Variants in SMYD3 observed in about 807,000 individuals in gnomAD.
The protein encoded by SMYD3 is histone-lysine N-methyltransferase SMYD3.
Under a neutral mutation model 57.7 loss-of-function variants are expected in SMYD3, and 36 were observed. The ratio of observed to expected loss-of-function variants is 0.62; its 90% CI spans 0.48 to 0.82. SMYD3 has a LOEUF of 0.82. Among genes scored for constraint, SMYD3 ranks in the 40% least tolerant of loss-of-function variants. The pLI, the probability that SMYD3 is intolerant of heterozygous loss-of-function variation, is 0.00. For synonymous variants in SMYD3, 211 were observed against 195.0 expected, an observed-to-expected ratio of 1.08 and a Z score of -0.68; for missense variants, 515 against 538.8, an observed-to-expected ratio of 0.96 and a Z score of 0.44.
chr1:246,311,893 G>A (rs757846479), intron 5 of SMYD3, among the ~76,000 whole-genome samples: 13 of 152,188 alleles, frequency 8.5e-5, no homozygotes, highest in Non-Finnish European at 1.6e-4. Context: ...GGCAGGCATC[G>A]TCAAGCTTTG....
chr1:246,340,848 G>A (rs1232400363), intron 2 of SMYD3, among the ~76,000 whole-genome samples: 2 of 152,098 alleles, frequency 1.3e-5, no homozygotes, highest in Admixed American at 1.3e-4. Flanking sequence ...GCATGCACCT[G>A]TATTCCCAGC....
At chr1:246,353,014 C>G (rs998998163) in intron 2 of SMYD3, among the ~76,000 whole-genome samples, 2 of 152,270 alleles carry the variant, frequency 1.3e-5, no homozygotes, top group East Asian at 1.9e-4. Flanking sequence ...CTGAGCTTCA[C>G]GTGAATAAAA....
intron 5 of SMYD3, among the ~76,000 whole-genome samples, chr1:246,053,449 T>C (rs183465688): frequency 7.5e-4 from 114 of 151,994 alleles, no homozygotes; most frequent in African/African-American, 2.5e-3. Flanking sequence ...GCTATACTAA[T>C]CAGAATGGTG....
chr1:246,132,722 C>G (rs925475497), intron 5 of SMYD3, among the ~76,000 whole-genome samples: 1 of 152,046 alleles, frequency 6.6e-6, no homozygotes, highest in Non-Finnish European at 1.5e-5. Flanking sequence ...AAAATACTTG[C>G]AAATCATTTA....
chr1:245,850,820 C>T (rs1306325851), intron 10 of SMYD3, among the ~76,000 whole-genome samples: 1 of 152,204 alleles, frequency 6.6e-6, no homozygotes, highest in African/African-American at 2.4e-5. Flanking sequence ...TGGGAGAAGG[C>T]ATCCTCTGGT....
chr1:246,034,666 A>C (rs1473676766), intron 5 of SMYD3: 1 of 157,130 alleles, frequency 6.4e-6, no homozygotes, highest in African/African-American at 2.4e-5. Context: ...TGAGTGCAGA[A>C]GAGGGAGGTG....
At chr1:245,798,913 G>A (rs966000621) in intron 10 of SMYD3, among the ~76,000 whole-genome samples, 2 of 151,980 alleles carry the variant, frequency 1.3e-5, no homozygotes, top group Admixed American at 1.3e-4. Context: ...AGTGTTCCCG[G>A]CAGGCCCTGC....
At chr1:246,064,577 T>A (rs1228016553) in intron 5 of SMYD3, among the ~76,000 whole-genome samples, 1 of 152,220 alleles carries the variant, frequency 6.6e-6, no homozygotes, top group Non-Finnish European at 1.5e-5. Context: ...ACGGCATTTA[T>A]CCCACTGCAC....
Position 245,763,767 on chromosome 1 carries a change from C to CA in SMYD3, c.1185+273dup, listed in dbSNP as rs113842162. Among the ~76,000 whole-genome samples the CA allele has an allele frequency of 1.5e-3, 222 of 152,238 alleles. 1 individual carries two copies. The highest frequency in any genetic ancestry group is 4.9e-3 in the African/African-American group (203 of 41,524). On this transcript the variant is annotated intron_variant, in intron 11 of 11. Coordinates refer to ENST00000490107, the MANE Select transcript of SMYD3 (RefSeq NM_001167740.2). The stretch of plus-strand genomic sequence containing the variant: ...GTGGTGTTCTCAGACTGGTTTGTAC[C>CA]AGTGGCAAGAGTAATTGTTAATATT...
At chr1:246,375,399 A>G (rs2066259869) in intron 1 of SMYD3, among the ~76,000 whole-genome samples, 1 of 139,858 alleles carries the variant, frequency 7.2e-6, no homozygotes, top group African/African-American at 2.7e-5. Context: ...ACATGAGAGT[A>G]AATGCCACCA....
At chr1:245,830,284 G>A (rs2049756244) in intron 10 of SMYD3, among the ~76,000 whole-genome samples, 1 of 152,160 alleles carries the variant, frequency 6.6e-6, no homozygotes, top group African/African-American at 2.4e-5. Flanking sequence ...GGCTGGGGAG[G>A]CCTCACAATC....
intron 5 of SMYD3, among the ~76,000 whole-genome samples, chr1:245,973,285 T>C (rs2058345505): frequency 6.6e-6 from 1 of 152,228 alleles, no homozygotes; most frequent in South Asian, 2.1e-4. Flanking sequence ...GTTTTTGAGG[T>C]TATAGCAGGA....
At chr1:246,284,711 C>G (rs1298347304) in intron 5 of SMYD3, among the ~76,000 whole-genome samples, 1 of 152,120 alleles carries the variant, frequency 6.6e-6, no homozygotes, top group Non-Finnish European at 1.5e-5. Context: ...CCACCGCGCC[C>G]AGCCTCTAAT....
At chr1:246,327,131 G>C in intron 5 of SMYD3, 70 bp downstream of exon 5, 1 of 1,590,728 alleles carries the variant, frequency 6.3e-7, no homozygotes, top group Admixed American at 1.7e-5. Flanking sequence ...CGACATTTTT[G>C]TAACTAACAA....
At chr1:245,810,863 C>A (rs760099834) in intron 10 of SMYD3, among the ~76,000 whole-genome samples, 2 of 152,158 alleles carry the variant, frequency 1.3e-5, no homozygotes, top group African/African-American at 4.8e-5. Context: ...GCCGAGCAGA[C>A]GGAGGGAGTG....
At chr1:246,138,667 C>T (rs36032924) in intron 5 of SMYD3, among the ~76,000 whole-genome samples, 72,605 of 147,228 alleles carry the variant, frequency 0.49, 21,803 homozygotes, top group Non-Finnish European at 0.69. Flanking sequence ...CCTCGTGATC[C>T]GCCCGCCTCG....
intron 8 of SMYD3, among the ~76,000 whole-genome samples, chr1:245,896,894 AAGG>A (rs2053849057): frequency 7.3e-4 from 1 of 1,376 alleles, no homozygotes; most frequent in Admixed American, 0.042. Context: ...AAGAGCACAG[AAGG>A]AGTGAAAAGA....
intron 5 of SMYD3, among the ~76,000 whole-genome samples, chr1:246,105,311 C>T (rs140586779): frequency 5.9e-5 from 9 of 152,154 alleles, no homozygotes; most frequent in Non-Finnish European, 1.2e-4. Flanking sequence ...TTTGTCAGCA[C>T]CAAATCCCGT....
chr1:245,953,350 G>T, intron 5 of SMYD3: 1 of 986,460 alleles, frequency 1.0e-6, no homozygotes, highest in Non-Finnish European at 1.2e-6. Context: ...TTTTTAGGAT[G>T]TAACTCTGAA....
Sources: allele counts gnomAD v4.1 joint callset (sites outside exome capture counted in the v4.1 genomes callset), GRCh38; gene constraint gnomAD v4.1.1; transcripts MANE v1.5; gene names NCBI Gene and HGNC (gene_info 2026-07-23, HGNC 2026-07-21).